HS6ST3: variants seen among roughly 807,000 people sequenced by gnomAD.
HS6ST3 encodes the protein heparan-sulfate 6-O-sulfotransferase 3.
In HS6ST3, 12 loss-of-function variants were observed where a neutral mutation model predicts 36.7. The ratio of observed to expected loss-of-function variants is 0.33; its 90% confidence interval spans 0.21 to 0.53. The LOEUF (loss-of-function observed/expected upper bound fraction) is 0.53, where lower values mean the gene tolerates loss of function less well. HS6ST3 is among the 20% of genes least tolerant of loss of function. The pLI is 0.95. For missense variants in HS6ST3, 584 were observed against 640.9 expected, an observed-to-expected ratio of 0.91 and a Z score of 0.96; for synonymous variants, 240 against 257.5, an observed-to-expected ratio of 0.93 and a Z score of 0.65.
chr13:96,403,373 A>G (rs2055461425), intron 1 of HS6ST3, among the ~76,000 whole-genome samples: 1 of 152,180 alleles, frequency 6.6e-6, no homozygotes, highest in Non-Finnish European at 1.5e-5. Flanking sequence ...CTATCCTCAA[A>G]TAGACTCAGT....
At chr13:96,387,277 C>T (rs530530349) in intron 1 of HS6ST3, among the ~76,000 whole-genome samples, 1 of 152,234 alleles carries the variant, frequency 6.6e-6, no homozygotes, top group South Asian at 2.1e-4. Flanking sequence ...TGAGTAAAAA[C>T]TTGAACACTG....
chr13:96,416,407 G>A (rs1483422893), intron 1 of HS6ST3, among the ~76,000 whole-genome samples: 2 of 152,118 alleles, frequency 1.3e-5, no homozygotes, highest in African/African-American at 2.4e-5. Context: ...ACCTGGAATG[G>A]TATAAATTTT....
intron 1 of HS6ST3, among the ~76,000 whole-genome samples, chr13:96,304,681 T>C (rs2054901572): frequency 1.3e-5 from 1 of 75,916 alleles, no homozygotes; most frequent in African/African-American, 5.7e-5. Context: ...TTGCATGTTT[T>C]TCTTTCTTTC....
At chr13:96,593,215 G>C (rs1364941385) in intron 1 of HS6ST3, among the ~76,000 whole-genome samples, 1 of 65,950 alleles carries the variant, frequency 1.5e-5, no homozygotes, top group Non-Finnish European at 2.7e-5. Context: ...ATGGAGTCTT[G>C]CTCTGTCACC....
chr13:96,189,889 A>G (rs902252263), intron 1 of HS6ST3, among the ~76,000 whole-genome samples: 3 of 152,194 alleles, frequency 2.0e-5, no homozygotes, highest in African/African-American at 7.2e-5. Flanking sequence ...CACACGGCCA[A>G]TTCCACAGGG....
At chr13:96,273,073 C>A (rs569069637) in intron 1 of HS6ST3, among the ~76,000 whole-genome samples, 1 of 151,882 alleles carries the variant, frequency 6.6e-6, no homozygotes, top group African/African-American at 2.4e-5. Context: ...TAAAGATCCA[C>A]GTAATATTTC....
At chr13:96,621,689 C>A (rs2056495755) in intron 1 of HS6ST3, among the ~76,000 whole-genome samples, 1 of 152,086 alleles carries the variant, frequency 6.6e-6, no homozygotes, top group African/African-American at 2.4e-5. Context: ...TTTATTGTCC[C>A]TCTCTATATG....
chr13:96,583,437 C>T (rs1053271355), intron 1 of HS6ST3, among the ~76,000 whole-genome samples: 2 of 151,772 alleles, frequency 1.3e-5, no homozygotes, highest in African/African-American at 4.8e-5. Flanking sequence ...TGGACTCAAG[C>T]TCCTGACCTC....
chr13:96,599,401 C>G (rs1566407822), intron 1 of HS6ST3, among the ~76,000 whole-genome samples: 1 of 151,940 alleles, frequency 6.6e-6, no homozygotes, highest in Non-Finnish European at 1.5e-5. Flanking sequence ...TATCTATTTT[C>G]TCTAGATTCC....
intron 1 of HS6ST3, among the ~76,000 whole-genome samples, chr13:96,556,528 A>G (rs989958997): frequency 6.6e-6 from 1 of 152,158 alleles, no homozygotes; most frequent in Non-Finnish European, 1.5e-5. Context: ...ACATCTTCAA[A>G]TTGGTTTGAA....
At chr13:96,671,680 C>T (rs2056683228) in intron 1 of HS6ST3, among the ~76,000 whole-genome samples, 1 of 151,934 alleles carries the variant, frequency 6.6e-6, no homozygotes. Context: ...TGGTGTTCTC[C>T]CTGTGTATGT....
At chr13:96,320,515 A>T (rs1002342655) in intron 1 of HS6ST3, among the ~76,000 whole-genome samples, 3 of 152,350 alleles carry the variant, frequency 2.0e-5, no homozygotes, top group South Asian at 2.1e-4. Context: ...ATATGTACAG[A>T]AAGCTGACAA....
At chr13:96,561,670 A>T (rs2056262787) in intron 1 of HS6ST3, among the ~76,000 whole-genome samples, 1 of 152,078 alleles carries the variant, frequency 6.6e-6, no homozygotes, top group South Asian at 2.1e-4. Flanking sequence ...AACTATAAGG[A>T]ATTTAAACAA....
At chr13:96,174,389 T>A (rs2054203011) in intron 1 of HS6ST3, among the ~76,000 whole-genome samples, 1 of 152,050 alleles carries the variant, frequency 6.6e-6, no homozygotes, top group Non-Finnish European at 1.5e-5. Flanking sequence ...CCCTCCAAAT[T>A]TTTTAGGTAT....
chr13:96,644,549 G>A, intron 1 of HS6ST3, among the ~76,000 whole-genome samples: 1 of 152,012 alleles, frequency 6.6e-6, no homozygotes, highest in East Asian at 1.9e-4. Context: ...GATCTGCCAG[G>A]GCTCATGTGA....
At chr13:96,794,773 A>G (rs1877870429) in intron 1 of HS6ST3, among the ~76,000 whole-genome samples, 1 of 152,062 alleles carries the variant, frequency 6.6e-6, no homozygotes, top group Admixed American at 6.6e-5. Flanking sequence ...GTTTCAGCCC[A>G]CAATTCTTGA....
chr13:96,210,473 T>A (rs768340400), intron 1 of HS6ST3, among the ~76,000 whole-genome samples: 7 of 152,228 alleles, frequency 4.6e-5, no homozygotes, highest in Non-Finnish European at 8.8e-5. Flanking sequence ...CACATACCCA[T>A]AGCCTTAGTA....
At chr13:96,164,192 G>A (rs1405256064) in intron 1 of HS6ST3, among the ~76,000 whole-genome samples, 4 of 152,136 alleles carry the variant, frequency 2.6e-5, no homozygotes, top group African/African-American at 7.2e-5. Flanking sequence ...TCACATACAT[G>A]CCAACTGTGT....
chr13:96,278,501 T>C (rs1255187998), intron 1 of HS6ST3, among the ~76,000 whole-genome samples: 1 of 152,170 alleles, frequency 6.6e-6, no homozygotes, highest in Non-Finnish European at 1.5e-5. Flanking sequence ...AAGAGCTAAT[T>C]TGAAGTCTTT....
Sources: gnomAD v4.1 joint callset for allele counts (sites outside exome capture counted in the v4.1 genomes callset) on GRCh38, gnomAD v4.1.1 for gene constraint, MANE v1.5 for transcripts, NCBI Gene and HGNC (gene_info 2026-07-23, HGNC 2026-07-21) for gene names.